The following SLC20A2 variants were observed in gnomAD, a reference collection of about 807,000 sequenced individuals.
The protein encoded by SLC20A2 is sodium-dependent phosphate transporter 2.
A neutral mutation model predicts 61.0 loss-of-function variants in SLC20A2; 30 were observed. That is an observed-to-expected ratio of 0.49 (90% CI 0.37 to 0.67). The LOEUF is 0.67. SLC20A2 is among the 30% of genes least tolerant of loss of function. SLC20A2 has a pLI of 0.00. For missense variants in SLC20A2, 626 were observed against 866.4 expected (o/e 0.72, Z 3.48); for synonymous variants, 351 against 353.3 (o/e 0.99, Z 0.07).
At chr8:42,532,632 C>G (rs1812404996) in intron 1 of SLC20A2, among the ~76,000 whole-genome samples, 1 of 152,098 alleles carries the variant, frequency 6.6e-6, no homozygotes, top group East Asian at 1.9e-4. Flanking sequence ...GACAACAAAT[C>G]CATCTAGTAA....
chr8:42,505,169 C>T (rs995578947), upstream of SLC20A2, among the ~76,000 whole-genome samples: 1 of 151,314 alleles, frequency 6.6e-6, no homozygotes, highest in Non-Finnish European at 1.5e-5. Context: ...AGTGCAGTGA[C>T]ACAATCTTGG....
rs190848054 is a variant in SLC20A2, at chr8:42,425,372, T to C, written c.1794+3386A>G. Among the ~76,000 whole-genome samples, 60 of 152,314 alleles carry C rather than the reference T, an allele frequency of 3.9e-4. 1 individual carries two copies. Among genetic ancestry groups the C allele is most frequent in the Admixed American group, 3.5e-3 (54 of 15,300 alleles). Reference sequence around the variant, plus strand: ...TCTTCACGCCATCCCACAGCTCTCATAGTTCATCCCACGTTTGCCATTTGG... The same window carrying C: ...TCTTCACGCCATCCCACAGCTCTCACAGTTCATCCCACGTTTGCCATTTGG... On this transcript the variant is annotated intron_variant, in intron 10 of 10. Transcript: ENST00000520262.
chr8:42,504,773 G>C (rs1408300326), upstream of SLC20A2, among the ~76,000 whole-genome samples: 1 of 142,312 alleles, frequency 7.0e-6, no homozygotes, highest in South Asian at 2.2e-4. Context: ...TTGAACTTGG[G>C]AGGCAGAGGC....
intron 5 of SLC20A2, among the ~76,000 whole-genome samples, chr8:42,455,236 A>AT (rs1292770783): frequency 1.1e-3 from 111 of 101,978 alleles, no homozygotes; most frequent in African/African-American, 3.4e-3. Flanking sequence ...AAAAAAAAAA[A>AT]AAAAAATATA....
chr8:42,456,290 G>A (rs754566531), intron 5 of SLC20A2, among the ~76,000 whole-genome samples: 4 of 152,180 alleles, frequency 2.6e-5, no homozygotes, highest in African/African-American at 4.8e-5. Context: ...CCATATTGAT[G>A]CCAATTCCCA....
At chr8:42,451,573 T>C (rs1375469622) in intron 5 of SLC20A2, among the ~76,000 whole-genome samples, 1 of 84,040 alleles carries the variant, frequency 1.2e-5, no homozygotes. Context: ...GAGGAAGAGA[T>C]GAAGAGGAAG....
intron 1 of SLC20A2, among the ~76,000 whole-genome samples, chr8:42,491,442 T>C (rs908494903): frequency 1.3e-5 from 2 of 151,848 alleles, no homozygotes; most frequent in African/African-American, 2.4e-5. Flanking sequence ...GAGGTGTAGA[T>C]TGCAGTGAGC....
chr8:42,497,782 C>G (rs1451161897), intron 1 of SLC20A2, among the ~76,000 whole-genome samples: 2 of 151,550 alleles, frequency 1.3e-5, no homozygotes, highest in African/African-American at 4.9e-5. Context: ...GAACTAGACC[C>G]AGAACCTTAG....
chr8:42,512,377 G>C, intron 1 of SLC20A2, among the ~76,000 whole-genome samples: 1 of 149,210 alleles, frequency 6.7e-6, no homozygotes, highest in African/African-American at 2.5e-5. Context: ...TGGAGATGGA[G>C]TCTCACTGTG....
intron 3 of SLC20A2, 187 bp from the exon 4 acceptor site, chr8:42,463,277 C>T: frequency 2.1e-6 from 1 of 474,318 alleles, no homozygotes; most frequent in Non-Finnish European, 3.7e-6. Flanking sequence ...ACATTTATGG[C>T]CACACTCAGA....
At chr8:42,419,679 A>G (rs1205602521) in intron 10 of SLC20A2, 1 of 968,126 alleles carries the variant, frequency 1.0e-6, no homozygotes, top group Non-Finnish European at 1.2e-6. Flanking sequence ...ACCTTAATAC[A>G]TAATGACAAA....
At position 42,428,845 on chromosome 8, in the gene SLC20A2, G is replaced by A; in HGVS notation, c.1710-3C>T. ...AGGCCAGCTCGATCGTGAAGCCGCT[G>A]TGGGGGGAGCATGAGACACGTCACA... On this transcript the variant is annotated splice_polypyrimidine_tract_variant and splice_region_variant and intron_variant, in intron 9 of 10. Transcript: ENST00000520262. 1.3e-6 allele frequency: 2 copies of A among 1,589,238 alleles called. No homozygotes were observed.
chr8:42,472,310 G>A lies in SLC20A2; in HGVS notation c.81C>T (p.Asn27=), dbSNP rs779193735. 1.2e-5 allele frequency: 20 copies of A among 1,614,050 alleles called. No homozygotes were observed. The highest frequency in any genetic ancestry group is 1.6e-4 in the Middle Eastern group (1 of 6,084). Residue 27 remains asparagine, a synonymous_variant, in exon 2 of 11, where the codon AAC becomes AAT. Coordinates refer to ENST00000520262, the MANE Select transcript of SLC20A2 (RefSeq NM_001257180.2). The surrounding 1 kb of genome is among the most constrained non-coding windows in gnomAD (Gnocchi z 4.1). ...AFILAFSVGA[N]DVANSFGTAV... ...CTGTACCAAAGGAGTTGGCAACATC[G>A]TTTGCACCAACAGAAAAGGCCAAGA...
At chr8:42,540,075 T>A (rs1812984204) in intron 1 of SLC20A2, among the ~76,000 whole-genome samples, 1 of 152,204 alleles carries the variant, frequency 6.6e-6, no homozygotes, top group South Asian at 2.1e-4. Flanking sequence ...GCGGAACACC[T>A]GAGGTCTGGA....
At chr8:42,481,608 C>T (rs1357462985) in intron 1 of SLC20A2, among the ~76,000 whole-genome samples, 2 of 152,144 alleles carry the variant, frequency 1.3e-5, no homozygotes. Context: ...TCTTCTGGTC[C>T]TGTCCAACTC....
In SLC20A2 at chr8:42,437,171, C is replaced by T. The variant is rs1014539937; in HGVS notation, c.1341G>A (p.Ala447=). Reference sequence around the variant, plus strand: ...GCTTCATCTCCACGCCGCCCTCCTCCGCCTCGATCTCCGCCTCTGCCACCG... The same window carrying T: ...GCTTCATCTCCACGCCGCCCTCCTCTGCCTCGATCTCCGCCTCTGCCACCG... ...CNAVAEAEIE[A]EEGGVEMKLA... is the part of the protein sequence containing the mutation. The change falls in exon 8 of 11, where the codon GCG becomes GCA. Residue 447 remains alanine, a synonymous_variant. Coordinates refer to ENST00000520262, the MANE Select transcript of SLC20A2 (RefSeq NM_001257180.2). The surrounding 1 kb of genome is among the most constrained non-coding windows in gnomAD (Gnocchi z 6.4). 1.9e-6 allele frequency: 3 copies of T among 1,613,488 alleles called. No homozygotes were observed. The highest frequency in any genetic ancestry group is 1.3e-5 in the African/African-American group (1 of 74,926).
At chr8:42,470,129 C>A (rs1586134263) in intron 2 of SLC20A2, among the ~76,000 whole-genome samples, 1 of 151,446 alleles carries the variant, frequency 6.6e-6, no homozygotes, top group Admixed American at 6.6e-5. Context: ...TTATATCTGA[C>A]TATGCTGAGA....
chr8:42,503,627 A>G (rs1034046210), upstream of SLC20A2, among the ~76,000 whole-genome samples: 1 of 152,206 alleles, frequency 6.6e-6, no homozygotes, highest in African/African-American at 2.4e-5. Flanking sequence ...TTAATGAGAT[A>G]TCTTCATTCT....
At chr8:42,426,605 G>A (rs1803430417) in intron 10 of SLC20A2, among the ~76,000 whole-genome samples, 1 of 152,198 alleles carries the variant, frequency 6.6e-6, no homozygotes, top group African/African-American at 2.4e-5. Flanking sequence ...TGAGGCAGGA[G>A]AACTGCTTGA....
Sources: allele counts gnomAD v4.1 joint callset (sites outside exome capture counted in the v4.1 genomes callset), GRCh38; gene constraint gnomAD v4.1.1; non-coding constraint Gnocchi (gnomAD v3.1); transcripts MANE v1.5; gene names NCBI Gene and HGNC (gene_info 2026-07-23, HGNC 2026-07-21).